Variants in ATP8B1 observed in about 807,000 individuals in gnomAD.
ATP8B1 encodes the protein ATPase phospholipid transporting 8B1, also known as phospholipid-transporting ATPase IC.
In ATP8B1, 80 loss-of-function variants were observed where a neutral mutation model predicts 149.9. The observed-to-expected ratio is 0.53, with a 90% CI of 0.45 to 0.64. The LOEUF (loss-of-function observed/expected upper bound fraction) is 0.64, where lower values mean the gene tolerates loss of function less well. Ranked by LOEUF, ATP8B1 falls within the 30% of genes least tolerant of loss-of-function variation. The pLI is 0.00. For synonymous variants in ATP8B1, 536 were observed against 562.8 expected (o/e 0.95, Z 0.67); for missense variants, 1,247 against 1,552.6 (o/e 0.80, Z 3.31).
At chr18:57,655,151 G>C in intron 23 of ATP8B1, 43 bp downstream of exon 23, 1 of 1,517,700 alleles carries the variant, frequency 6.6e-7, no homozygotes, top group East Asian at 2.3e-5. Flanking sequence ...ATTCATTTAA[G>C]AGCTCTACTT....
At chr18:57,791,454 G>C (rs769665089) in intron 1 of ATP8B1, among the ~76,000 whole-genome samples, 1 of 148,272 alleles carries the variant, frequency 6.7e-6, no homozygotes, top group Non-Finnish European at 1.5e-5. Context: ...GAGTTCAAGC[G>C]ATTCTTGTGT....
At chr18:57,798,254 T>C (rs1364624979) in intron 1 of ATP8B1, among the ~76,000 whole-genome samples, 2 of 151,780 alleles carry the variant, frequency 1.3e-5, no homozygotes, top group African/African-American at 4.8e-5. Context: ...CAGGTAGTAA[T>C]TAAAAAACAA....
At chr18:57,796,719 G>A (rs1054631059) in intron 1 of ATP8B1, among the ~76,000 whole-genome samples, 1 of 152,094 alleles carries the variant, frequency 6.6e-6, no homozygotes, top group African/African-American at 2.4e-5. Flanking sequence ...ACAGAGTCTC[G>A]CTCTGTCACC....
At chr18:57,730,578 T>C (rs982217224) in intron 2 of ATP8B1, among the ~76,000 whole-genome samples, 8 of 151,818 alleles carry the variant, frequency 5.3e-5, no homozygotes, top group Non-Finnish European at 1.0e-4. Context: ...CAGCAGGAGA[T>C]GAAATAGAAA....
intron 2 of ATP8B1, 45 bp from the exon 3 acceptor site, chr18:57,706,632 G>T (rs1913411880): frequency 7.0e-7 from 1 of 1,424,126 alleles, no homozygotes; most frequent in Non-Finnish European, 9.8e-7. Context: ...AAATTAACAT[G>T]TTGTTATGAG....
At chr18:57,655,533 A>G (rs1909942050) in intron 22 of ATP8B1, 116 bp from the exon 23 acceptor site, 1 of 915,522 alleles carries the variant, frequency 1.1e-6, no homozygotes, top group Non-Finnish European at 1.7e-6. Flanking sequence ...TGATGGAACA[A>G]TAATACAGAA....
At chr18:57,731,952 G>T in intron 1 of ATP8B1, 120 bp from the exon 2 acceptor site, 1 of 947,202 alleles carries the variant, frequency 1.1e-6, no homozygotes, top group South Asian at 1.3e-5. Flanking sequence ...TAAATATTCT[G>T]GAATAGTACC....
chr18:57,677,798 C>T (rs1034963313), intron 15 of ATP8B1, among the ~76,000 whole-genome samples: 7 of 152,130 alleles, frequency 4.6e-5, no homozygotes, highest in East Asian at 1.9e-4. Context: ...CCTTTCCCTT[C>T]GGCAACTTAA....
intron 1 of ATP8B1, 121 bp from the exon 2 acceptor site, chr18:57,731,953 G>C: frequency 1.1e-6 from 1 of 939,816 alleles, no homozygotes; most frequent in South Asian, 1.3e-5. Context: ...AAATATTCTG[G>C]AATAGTACCC....
At chr18:57,745,383 T>C (rs1599185353) in intron 1 of ATP8B1, among the ~76,000 whole-genome samples, 1 of 152,112 alleles carries the variant, frequency 6.6e-6, no homozygotes, top group East Asian at 1.9e-4. Flanking sequence ...GCAATTCTCC[T>C]GCCTCAGCTT....
At chr18:57,746,373 G>T (rs371916782) in intron 1 of ATP8B1, among the ~76,000 whole-genome samples, 1 of 151,160 alleles carries the variant, frequency 6.6e-6, no homozygotes, top group African/African-American at 2.4e-5. Flanking sequence ...AACCAGGTCT[G>T]TTTGTCCCCA....
intron 15 of ATP8B1, among the ~76,000 whole-genome samples, chr18:57,677,323 T>C (rs1465714919): frequency 6.6e-6 from 1 of 152,226 alleles, no homozygotes; most frequent in Non-Finnish European, 1.5e-5. Flanking sequence ...TGTACTTCAA[T>C]AAAAAGTTTA....
rs566295128 is a variant in ATP8B1 at position 57,784,469 on chromosome 18, C to G, written c.-26+18529G>C. Among the ~76,000 whole-genome samples, 1 of 152,214 alleles carries G rather than the reference C, an allele frequency of 6.6e-6. No individual in the cohort carries two copies. Among genetic ancestry groups the G allele is most frequent in the South Asian group, 2.1e-4 (1 of 4,814 alleles). ...AGAGGTTATCAGGTGGAGTCAAGGTCTTCCAGAGGTAGAAGCAACAGGCCT... is the reference window on the plus strand; with the variant it reads ...AGAGGTTATCAGGTGGAGTCAAGGTGTTCCAGAGGTAGAAGCAACAGGCCT... On this transcript the variant is annotated intron_variant, in intron 1 of 27. Coordinates refer to ENST00000648908, the MANE Select transcript of ATP8B1 (RefSeq NM_001374385.1). This position sits in a 1 kb window ranked among gnomAD's most constrained non-coding sequence, Gnocchi z 4.4.
rs772171387 is a variant in ATP8B1 at position 57,674,986 on chromosome 18, C to T, written c.1667G>A (p.Gly556Asp). 1.9e-6 allele frequency: 3 copies of T among 1,614,082 alleles called. No homozygotes were observed. The highest frequency in any genetic ancestry group is 2.7e-5 in the African/African-American group (2 of 74,930). The change falls in exon 16 of 28, where the codon GGT becomes GAT. Residue 556 changes from glycine (G) to aspartate (D), a missense_variant. Around this residue, in one of 3 missense-constraint regions of ATP8B1, gnomAD observed 853 missense variants for 1,035.7 expected, o/e 0.82. Transcript: ENST00000648908. ...GTTCCTGGCAGCGTTTACCAGGGCACCTTCATCGGGAGAGGCTGCCTGGTA... is the reference window on the plus strand; with the variant it reads ...GTTCCTGGCAGCGTTTACCAGGGCATCTTCATCGGGAGAGGCTGCCTGGTA... ...LNYQAASPDE[G>D]ALVNAARNFG... is the part of the protein sequence containing the mutation.
chr18:57,669,272 T>C (rs779152359), intron 18 of ATP8B1, 46 bp downstream of exon 18: 4 of 1,537,398 alleles, frequency 2.6e-6, no homozygotes, highest in Non-Finnish European at 3.5e-6. Context: ...AAAATTTCAA[T>C]TCTGCTTAGA....
intron 24 of ATP8B1, among the ~76,000 whole-genome samples, chr18:57,653,332 C>T (rs1485663320): frequency 4.7e-5 from 7 of 147,898 alleles, no homozygotes; most frequent in Admixed American, 6.8e-5. Context: ...TTGCCCAGCC[C>T]GGAGTGCAGT....
At chr18:57,768,779 G>C (rs554036485) in intron 1 of ATP8B1, among the ~76,000 whole-genome samples, 37 of 152,300 alleles carry the variant, frequency 2.4e-4, no homozygotes, top group African/African-American at 5.1e-4. Flanking sequence ...TTGATGCAAG[G>C]AGGAAATGAG....
At chr18:57,795,772 G>A (rs926223998) in intron 1 of ATP8B1, among the ~76,000 whole-genome samples, 1 of 152,118 alleles carries the variant, frequency 6.6e-6, no homozygotes, top group Middle Eastern at 3.2e-3. Context: ...AGTTCTGAAG[G>A]TGGATGGTGG....
chr18:57,764,621 G>T (rs529161452), intron 1 of ATP8B1, among the ~76,000 whole-genome samples: 1 of 151,806 alleles, frequency 6.6e-6, no homozygotes, highest in African/African-American at 2.4e-5. Context: ...GTTTTACCAT[G>T]TTAGGCAGGC....
Sources: allele counts gnomAD v4.1 joint callset (sites outside exome capture counted in the v4.1 genomes callset), GRCh38; gene constraint gnomAD v4.1.1; regional missense constraint gnomAD v4.1.1; non-coding constraint Gnocchi (gnomAD v3.1); transcripts MANE v1.5; gene names NCBI Gene and HGNC (gene_info 2026-07-23, HGNC 2026-07-21).